CYFIP1: variants seen among roughly 807,000 people sequenced by gnomAD.
CYFIP1 encodes the protein cytoplasmic FMR1-interacting protein 1.
In CYFIP1, 58 loss-of-function variants were observed where a neutral mutation model predicts 163.5. The ratio of observed to expected loss-of-function variants is 0.35; its 90% CI spans 0.29 to 0.44. CYFIP1 has a LOEUF of 0.44. Ranked by LOEUF, CYFIP1 falls within the 20% of genes least tolerant of loss-of-function variation. The pLI is 1.00. For missense variants in CYFIP1, 1,338 were observed against 1,653.8 expected (o/e 0.81, Z 3.31); for synonymous variants, 663 against 660.7 (o/e 1.00, Z -0.05).
chr15:22,900,475 T>C (rs1428324721), intron 22 of CYFIP1, among the ~76,000 whole-genome samples: 1 of 150,744 alleles, frequency 6.6e-6, no homozygotes, highest in Non-Finnish European at 1.5e-5. Context: ...CTCGGCTCAC[T>C]GCAACCTCCG....
chr15:22,973,816 G>C (rs534799955), intron 1 of CYFIP1, among the ~76,000 whole-genome samples: 2 of 152,080 alleles, frequency 1.3e-5, no homozygotes, highest in South Asian at 4.2e-4. Flanking sequence ...AACTAATAAG[G>C]GATTAATAAT....
intron 30 of CYFIP1, among the ~76,000 whole-genome samples, chr15:22,870,921 T>C (rs557250505): frequency 1.3e-5 from 2 of 152,302 alleles, no homozygotes; most frequent in South Asian, 2.1e-4. Flanking sequence ...ATTAAGAACA[T>C]ACACGCAAAC....
intron 11 of CYFIP1, 44 bp downstream of exon 11, chr15:22,932,179 G>C: frequency 1.4e-6 from 2 of 1,451,830 alleles, no homozygotes; most frequent in Non-Finnish European, 1.9e-6. Flanking sequence ...AACACACACA[G>C]GCGACCCTCG....
At chr15:22,959,405 G>A (rs867555359) in intron 1 of CYFIP1, among the ~76,000 whole-genome samples, 38 of 152,306 alleles carry the variant, frequency 2.5e-4, no homozygotes, top group Middle Eastern at 3.4e-3. Flanking sequence ...GCGCTCCCAC[G>A]CTCAGGAGAA....
chr15:22,963,697 T>C (rs530078635), intron 1 of CYFIP1, among the ~76,000 whole-genome samples: 2 of 152,276 alleles, frequency 1.3e-5, no homozygotes, highest in Admixed American at 6.5e-5. Context: ...CCGGGCAGGC[T>C]GGACGCTGGC....
At chr15:22,878,801 G>A (rs1250573740) in intron 26 of CYFIP1, among the ~76,000 whole-genome samples, 1 of 151,882 alleles carries the variant, frequency 6.6e-6, no homozygotes, top group Non-Finnish European at 1.5e-5. Context: ...TTTACGATAT[G>A]TGCAGCACAT....
Position 22,926,111 on chromosome 15 carries a change from T to C in CYFIP1, c.1234-4A>G. On this transcript the variant is annotated splice_polypyrimidine_tract_variant and splice_region_variant and intron_variant, in intron 12 of 30. Transcript: ENST00000617928. ...GGTGCACAAGCTTCCAGGAATACTG[T>C]GGTGGCCGAAAGAGCAGAGGTGTTC... 3.7e-6 allele frequency: 6 copies of C among 1,614,102 alleles called. No homozygotes were observed. Among genetic ancestry groups the C allele is most frequent in the Non-Finnish European group, 5.1e-6 (6 of 1,179,990 alleles).
At chr15:22,892,841 T>C in intron 23 of CYFIP1, 49 bp downstream of exon 23, 1 of 1,372,638 alleles carries the variant, frequency 7.3e-7, no homozygotes. Context: ...CTTCAAAACA[T>C]GCTTCATTAT....
chr15:22,960,128 G>A (rs1200635269), intron 1 of CYFIP1, among the ~76,000 whole-genome samples: 2 of 152,174 alleles, frequency 1.3e-5, no homozygotes, highest in African/African-American at 4.8e-5. Context: ...TGCCCAGCCC[G>A]TGGGCAGAGT....
chr15:22,886,504 A>G (rs2059931167), intron 23 of CYFIP1, among the ~76,000 whole-genome samples: 1 of 152,198 alleles, frequency 6.6e-6, no homozygotes. Flanking sequence ...ATTCAATTCA[A>G]TGTATTTTTA....
chr15:22,944,626 T>C lies in CYFIP1; in HGVS notation c.319A>G (p.Ile107Val), dbSNP rs781590610. The C allele has an allele frequency of 3.1e-6, 5 of 1,614,022 alleles. No homozygotes were observed. The highest frequency in any genetic ancestry group is 3.4e-6 in the Non-Finnish European group (4 of 1,179,864). Residue 107 changes from isoleucine (I) to valine (V), a missense_variant, in exon 5 of 31, where the codon ATC (isoleucine) becomes GTC (valine). Physicochemically the swap from Ile to Val is conservative, Grantham distance 29. Coordinates refer to ENST00000617928, the MANE Select transcript of CYFIP1 (RefSeq NM_014608.6). ...KCNEQPNRVEIYEKTVEVLEP... is the reference protein window; with the variant it reads ...KCNEQPNRVEVYEKTVEVLEP... Reference sequence around the variant, plus strand: ...AGAACCTCCACGGTTTTCTCGTAGATTTCCACTCTGTTAGGCTGCTCGTTA... The same window carrying C: ...AGAACCTCCACGGTTTTCTCGTAGACTTCCACTCTGTTAGGCTGCTCGTTA...
At chr15:22,963,495 AT>A (rs1203739662) in intron 1 of CYFIP1, among the ~76,000 whole-genome samples, 1 of 15,402 alleles carries the variant, frequency 6.5e-5, no homozygotes, top group African/African-American at 2.3e-4. Flanking sequence ...TGTTTCAAAA[AT>A]AACATAACAT....
intron 23 of CYFIP1, among the ~76,000 whole-genome samples, chr15:22,890,104 C>G (rs1350458442): frequency 6.6e-6 from 1 of 151,504 alleles, no homozygotes; most frequent in Non-Finnish European, 1.5e-5. Context: ...GAGTTCAAAA[C>G]CAACCTGGCC....
intron 12 of CYFIP1, 128 bp from the exon 13 acceptor site, chr15:22,926,235 C>A: frequency 3.0e-6 from 4 of 1,342,420 alleles, no homozygotes; most frequent in Non-Finnish European, 4.1e-6. Flanking sequence ...GAAAGTCACA[C>A]ATGAGGGCGC....
intron 1 of CYFIP1, among the ~76,000 whole-genome samples, chr15:22,963,536 T>TAACATAACA (rs1567038235): frequency 6.9e-6 from 1 of 145,318 alleles, no homozygotes; most frequent in African/African-American, 2.5e-5. Context: ...TAACATAACA[T>TAACATAACA]AACATAACAT....
chr15:22,903,039 C>T (rs1198604700), intron 22 of CYFIP1, among the ~76,000 whole-genome samples: 2 of 152,190 alleles, frequency 1.3e-5, no homozygotes, highest in African/African-American at 2.4e-5. Flanking sequence ...TCCTAACACT[C>T]GCATGTGCAC....
At chr15:22,957,553 G>A (rs539445247) in intron 1 of CYFIP1, among the ~76,000 whole-genome samples, 56 of 152,204 alleles carry the variant, frequency 3.7e-4, no homozygotes, top group African/African-American at 1.2e-3. Flanking sequence ...GGAGAATGGC[G>A]TGAACCCAGG....
intron 30 of CYFIP1, among the ~76,000 whole-genome samples, chr15:22,872,189 G>A (rs1367832371): frequency 2.0e-5 from 3 of 151,774 alleles, no homozygotes; most frequent in Non-Finnish European, 4.4e-5. Flanking sequence ...CAGCTACTCG[G>A]GAGGCTGAGG....
At chr15:22,965,323 G>A (rs2062868011) in intron 1 of CYFIP1, among the ~76,000 whole-genome samples, 1 of 152,218 alleles carries the variant, frequency 6.6e-6, no homozygotes, top group Non-Finnish European at 1.5e-5. Flanking sequence ...GCCAGGTGTG[G>A]TGGCGTACGC....
Sources: gnomAD v4.1 joint callset for allele counts (sites outside exome capture counted in the v4.1 genomes callset) on GRCh38, gnomAD v4.1.1 for gene constraint, MANE v1.5 for transcripts, NCBI Gene and HGNC (gene_info 2026-07-23, HGNC 2026-07-21) for gene names.